OXR1: variants seen among roughly 807,000 people sequenced by gnomAD.
OXR1 encodes the protein oxidation resistance 1, also known as oxidation resistance protein 1.
In OXR1, 41 loss-of-function variants were observed where a neutral mutation model predicts 104.6. That is an observed-to-expected ratio of 0.39 (90% CI 0.31 to 0.51). The LOEUF is 0.51. Ranked by LOEUF, OXR1 falls within the 20% of genes least tolerant of loss-of-function variation. The pLI, the probability that OXR1 is intolerant of heterozygous loss-of-function variation, is 0.77. For synonymous variants in OXR1, 348 were observed against 348.4 expected, an observed-to-expected ratio of 1.00 and a Z score of 0.01; for missense variants, 955 against 1,031.9, an observed-to-expected ratio of 0.93 and a Z score of 1.02.
intron 6 of OXR1, among the ~76,000 whole-genome samples, chr8:106,691,089 T>G (rs1166380251): frequency 1.5e-4 from 23 of 152,036 alleles, no homozygotes; most frequent in Admixed American, 1.5e-3. Context: ...AAAAGATAAC[T>G]CTAGGTGATT....
At chr8:106,496,611 A>G (rs939480526) in intron 2 of OXR1, among the ~76,000 whole-genome samples, 1 of 152,216 alleles carries the variant, frequency 6.6e-6, no homozygotes, top group African/African-American at 2.4e-5. Flanking sequence ...GAAGTGATGC[A>G]TATCGCTTCT....
chr8:106,639,921 T>C (rs1823488525), intron 3 of OXR1, among the ~76,000 whole-genome samples: 1 of 152,080 alleles, frequency 6.6e-6, no homozygotes, highest in South Asian at 2.1e-4. Context: ...AAAATTAGTA[T>C]GGTAAGGTAA....
intron 2 of OXR1, among the ~76,000 whole-genome samples, chr8:106,382,040 C>A (rs1057342350): frequency 6.6e-6 from 1 of 152,130 alleles, no homozygotes; most frequent in East Asian, 1.9e-4. Flanking sequence ...ATATATGAAG[C>A]TTTCTTATTG....
intron 3 of OXR1, among the ~76,000 whole-genome samples, chr8:106,614,939 C>T (rs981267676): frequency 3.3e-5 from 5 of 152,058 alleles, no homozygotes; most frequent in Admixed American, 1.3e-4. Flanking sequence ...TTGCATATTC[C>T]GCAGATGCTA....
At chr8:106,701,969 T>C (rs2131351314) in intron 7 of OXR1, among the ~76,000 whole-genome samples, 1 of 152,286 alleles carries the variant, frequency 6.6e-6, no homozygotes, top group South Asian at 2.1e-4. Flanking sequence ...ATTTATTTAT[T>C]TATTTGTTTT....
chr8:106,436,652 GC>G (rs748846622), intron 2 of OXR1, among the ~76,000 whole-genome samples: 4 of 152,110 alleles, frequency 2.6e-5, no homozygotes, highest in Admixed American at 6.6e-5. Context: ...TCATGCCTAA[GC>G]CTAAAGGAGA....
chr8:106,504,655 A>G (rs1489138346), intron 2 of OXR1, among the ~76,000 whole-genome samples: 1 of 152,192 alleles, frequency 6.6e-6, no homozygotes, highest in Non-Finnish European at 1.5e-5. Flanking sequence ...CAGATGTAAA[A>G]GCCTTCTAAT....
chr8:106,334,489 C>T (rs1282537938), intron 1 of OXR1, among the ~76,000 whole-genome samples: 1 of 152,170 alleles, frequency 6.6e-6, no homozygotes, highest in Non-Finnish European at 1.5e-5. Context: ...AAATGGCCAT[C>T]CTTTCTCGTT....
At chr8:106,493,017 C>T (rs1245638252) in intron 2 of OXR1, among the ~76,000 whole-genome samples, 1 of 151,984 alleles carries the variant, frequency 6.6e-6, no homozygotes, top group Non-Finnish European at 1.5e-5. Context: ...TACAGAAGTA[C>T]CTGGAGTAGA....
Position 106,692,759 on chromosome 8 carries a change from C to G in OXR1, c.557C>G (p.Pro186Arg). ...NPDVHPTEATPSSTFTGIRPA... is the reference protein window; with the variant it reads ...NPDVHPTEATRSSTFTGIRPA... ...GATGTCCATCCAACAGAAGCAACTC[C>G]CTCATCTACTTTCACTGGTATTCGA... The change falls in exon 7 of 17, where the codon CCC becomes CGC. Residue 186 changes from proline to arginine, a missense_variant. Coordinates refer to ENST00000517566, the MANE Select transcript of OXR1 (RefSeq NM_001198533.2). 1 of 1,562,740 alleles carries G rather than the reference C, an allele frequency of 6.4e-7. No homozygotes were observed. The highest frequency in any genetic ancestry group is 2.3e-5 in the East Asian group (1 of 43,510).
intron 1 of OXR1, among the ~76,000 whole-genome samples, chr8:106,310,881 C>T (rs992794391): frequency 2.0e-5 from 3 of 152,084 alleles, no homozygotes. Flanking sequence ...CAAAATTTTA[C>T]ATTTTTGTGC....
chr8:106,543,136 G>A (rs1188433771), intron 3 of OXR1, among the ~76,000 whole-genome samples: 1 of 152,148 alleles, frequency 6.6e-6, no homozygotes, highest in Admixed American at 6.5e-5. Flanking sequence ...TGAGGAAGGA[G>A]AAAGAGACTT....
intron 2 of OXR1, among the ~76,000 whole-genome samples, chr8:106,420,273 T>C (rs1249375030): frequency 6.6e-6 from 1 of 152,080 alleles, no homozygotes; most frequent in African/African-American, 2.4e-5. Flanking sequence ...ATTCATGTTC[T>C]AACATTTATT....
chr8:106,708,592 G>A (rs560255083), intron 9 of OXR1, among the ~76,000 whole-genome samples: 1 of 152,172 alleles, frequency 6.6e-6, no homozygotes, highest in Non-Finnish European at 1.5e-5. Flanking sequence ...CATTTATTCT[G>A]TAATATGTGT....
chr8:106,500,873 C>G (rs1811765787), intron 2 of OXR1, among the ~76,000 whole-genome samples: 1 of 152,176 alleles, frequency 6.6e-6, no homozygotes, highest in African/African-American at 2.4e-5. Context: ...AGCAGGCAAA[C>G]TTTCAACTCT....
intron 3 of OXR1, among the ~76,000 whole-genome samples, chr8:106,559,106 T>G (rs894223606): frequency 6.6e-6 from 1 of 152,230 alleles, no homozygotes; most frequent in Non-Finnish European, 1.5e-5. Flanking sequence ...CTTAGATATT[T>G]ATTCTCTGAA....
chr8:106,430,975 A>G (rs975777566), intron 2 of OXR1, among the ~76,000 whole-genome samples: 3 of 152,154 alleles, frequency 2.0e-5, no homozygotes, highest in African/African-American at 7.2e-5. Flanking sequence ...GACTAAAAGT[A>G]TTTGGGAGAA....
intron 3 of OXR1, among the ~76,000 whole-genome samples, chr8:106,594,758 A>G (rs1033060144): frequency 1.3e-5 from 2 of 152,228 alleles, no homozygotes; most frequent in African/African-American, 4.8e-5. Flanking sequence ...GAACTGACCT[A>G]TGAAACATAG....
intron 1 of OXR1, among the ~76,000 whole-genome samples, chr8:106,288,677 T>C (rs1812611602): frequency 6.8e-6 from 1 of 147,608 alleles, no homozygotes; most frequent in Non-Finnish European, 1.5e-5. Flanking sequence ...TTTAAATTTA[T>C]GTATTAAATA....
Sources: gnomAD v4.1 joint callset for allele counts (sites outside exome capture counted in the v4.1 genomes callset) on GRCh38, gnomAD v4.1.1 for gene constraint, MANE v1.5 for transcripts, NCBI Gene and HGNC (gene_info 2026-07-23, HGNC 2026-07-21) for gene names.